TCF12: variants seen among roughly 807,000 people sequenced by gnomAD.
The protein encoded by TCF12 is transcription factor 12, also known as DNA-binding protein HTF4.
Under a neutral mutation model 86.0 loss-of-function variants are expected in TCF12, and 45 were observed. That is an observed-to-expected ratio of 0.52 (90% CI 0.41 to 0.67). The LOEUF (loss-of-function observed/expected upper bound fraction) is 0.67. Among genes scored for constraint, TCF12 ranks in the 30% least tolerant of loss-of-function variants. TCF12 has a pLI of 0.00. For missense variants in TCF12, 881 were observed against 859.9 expected, an observed-to-expected ratio of 1.02 and a Z score of -0.31; for synonymous variants, 330 against 299.6, an observed-to-expected ratio of 1.10 and a Z score of -1.05.
At chr15:57,137,925 G>C (rs1168692462) in intron 5 of TCF12, among the ~76,000 whole-genome samples, 1 of 152,098 alleles carries the variant, frequency 6.6e-6, no homozygotes, top group East Asian at 1.9e-4. Context: ...TACTCAAGAG[G>C]CTGAGGCAGG....
chr15:57,245,672 T>C (rs1375988671), intron 13 of TCF12, among the ~76,000 whole-genome samples: 3 of 152,204 alleles, frequency 2.0e-5, no homozygotes, highest in Non-Finnish European at 2.9e-5. Context: ...TCCAAAAAAC[T>C]AGTGGTCACA....
At chr15:57,163,400 C>T (rs967613058) in intron 5 of TCF12, among the ~76,000 whole-genome samples, 1 of 152,046 alleles carries the variant, frequency 6.6e-6, no homozygotes, top group Non-Finnish European at 1.5e-5. Flanking sequence ...GCAAAATAAT[C>T]CTTGAAATAA....
At chr15:57,252,544 C>A in intron 15 of TCF12, 52 bp downstream of exon 15, 1 of 1,435,210 alleles carries the variant, frequency 7.0e-7, no homozygotes, top group Non-Finnish European at 9.8e-7. Context: ...AATTATACTT[C>A]CCACTATTCA....
At chr15:57,255,963 G>C (rs1352461673) in intron 16 of TCF12, among the ~76,000 whole-genome samples, 1 of 152,166 alleles carries the variant, frequency 6.6e-6, no homozygotes, top group Non-Finnish European at 1.5e-5. Context: ...TTCTCAGCGG[G>C]TACAGAGCTG....
intron 8 of TCF12, among the ~76,000 whole-genome samples, chr15:57,203,792 G>A (rs144191072): frequency 7.9e-5 from 12 of 152,132 alleles, no homozygotes; most frequent in Admixed American, 2.0e-4. Flanking sequence ...TAGTCCCAAG[G>A]CAGGAGGATC....
At chr15:56,963,481 A>G (rs2061866958) in intron 3 of TCF12, among the ~76,000 whole-genome samples, 1 of 152,198 alleles carries the variant, frequency 6.6e-6, no homozygotes, top group African/African-American at 2.4e-5. Flanking sequence ...AAGTGAAAAT[A>G]TAAGGATGGG....
At chr15:57,255,645 G>A (rs1268643736) in intron 16 of TCF12, among the ~76,000 whole-genome samples, 19 of 152,052 alleles carry the variant, frequency 1.2e-4, no homozygotes, top group African/African-American at 3.9e-4. Flanking sequence ...CACCACGTCC[G>A]GCTAATTTTT....
intron 3 of TCF12, among the ~76,000 whole-genome samples, chr15:57,046,931 C>T (rs2067268415): frequency 6.6e-6 from 1 of 152,214 alleles, no homozygotes; most frequent in Non-Finnish European, 1.5e-5. Context: ...TTTTACCCAT[C>T]TTTTCCCCAA....
At position 57,232,912 on chromosome 15, in the gene TCF12, C is replaced by T. The variant is rs113798759; in HGVS notation, c.970+56C>T. ...AAAGTTTGTGGACTTTCAGTGACCC[C>T]GATATCTTTATATATATATATGTAT... On this transcript the variant is annotated intron_variant, in intron 11 of 20. Coordinates refer to ENST00000333725, the MANE Select transcript of TCF12 (RefSeq NM_207037.2). The T allele has an allele frequency of 2.4e-4, 319 of 1,330,502 alleles. 4 individuals are homozygous for T. The African/African-American group carries it at 3.2e-3, about 13-fold the overall frequency. The allele number at this position is 1,330,502 out of a possible 1,614,324, so 82.4% of individuals were successfully genotyped here.
At chr15:57,258,337 A>C (rs1265327213) in intron 16 of TCF12, among the ~76,000 whole-genome samples, 1 of 152,198 alleles carries the variant, frequency 6.6e-6, no homozygotes, top group Admixed American at 6.5e-5. Context: ...AGCTCTCTGC[A>C]ATATAAAGTT....
At chr15:56,920,957 G>C (rs2059764637) in intron 2 of TCF12, 69 bp from the exon 3 acceptor site, 2 of 1,271,468 alleles carry the variant, frequency 1.6e-6, no homozygotes. Context: ...ATGACTTTTG[G>C]TGGACTTTTG....
At chr15:57,242,667 C>CA in intron 12 of TCF12, among the ~76,000 whole-genome samples, 1 of 152,000 alleles carries the variant, frequency 6.6e-6, no homozygotes, top group East Asian at 1.9e-4. Flanking sequence ...GACTTCATCT[C>CA]AAAAAAAGTG....
chr15:57,170,708 ATATAATATATATATTATATAT>A (rs2055344224), intron 6 of TCF12, among the ~76,000 whole-genome samples: 1 of 14,126 alleles, frequency 7.1e-5, no homozygotes, highest in African/African-American at 3.1e-4. Context: ...TATATATAAT[ATATAATATATATATTATATAT>A]TATATATAAT....
At chr15:57,040,153 T>C (rs1258887315) in intron 3 of TCF12, among the ~76,000 whole-genome samples, 1 of 152,208 alleles carries the variant, frequency 6.6e-6, no homozygotes, top group Non-Finnish European at 1.5e-5. Context: ...CTTCTGTCTG[T>C]GAAAACATGA....
intron 19 of TCF12, among the ~76,000 whole-genome samples, chr15:57,281,370 T>TA (rs2061678382): frequency 6.6e-6 from 1 of 152,228 alleles, no homozygotes; most frequent in Non-Finnish European, 1.5e-5. Flanking sequence ...TTGTTTCACA[T>TA]ACATATCAAA....
intron 15 of TCF12, 54 bp downstream of exon 15, chr15:57,252,546 C>T: frequency 7.0e-7 from 1 of 1,431,994 alleles, no homozygotes; most frequent in Admixed American, 1.7e-5. Flanking sequence ...TTATACTTCC[C>T]ACTATTCATT....
intron 3 of TCF12, among the ~76,000 whole-genome samples, chr15:56,963,654 G>A (rs550888079): frequency 6.6e-6 from 1 of 152,290 alleles, no homozygotes; most frequent in Admixed American, 6.5e-5. Context: ...CATCTGCTTT[G>A]TAATATGAAA....
chr15:57,033,556 C>T (rs1403648386), intron 3 of TCF12, among the ~76,000 whole-genome samples: 3 of 151,896 alleles, frequency 2.0e-5, no homozygotes, highest in East Asian at 3.9e-4. Context: ...TTTTTTAGAG[C>T]AATTCTTGGT....
chr15:57,038,808 C>T (rs1182734561), intron 3 of TCF12, among the ~76,000 whole-genome samples: 4 of 152,104 alleles, frequency 2.6e-5, no homozygotes, highest in Non-Finnish European at 4.4e-5. Flanking sequence ...AGTCCTTGTT[C>T]CAAGTATATT....
Sources: allele counts gnomAD v4.1 joint callset (sites outside exome capture counted in the v4.1 genomes callset), GRCh38; gene constraint gnomAD v4.1.1; transcripts MANE v1.5; gene names NCBI Gene and HGNC (gene_info 2026-07-23, HGNC 2026-07-21).